Variants in SLC30A3 observed in about 807,000 individuals in gnomAD.
SLC30A3 encodes solute carrier family 30 member 3.
Under a neutral mutation model 35.6 loss-of-function variants are expected in SLC30A3, and 20 were observed. The ratio of observed to expected loss-of-function variants is 0.56; its 90% CI spans 0.39 to 0.82. The LOEUF (loss-of-function observed/expected upper bound fraction) is 0.82. SLC30A3 is among the 40% of genes least tolerant of loss of function. SLC30A3 has a pLI of 0.00. For synonymous variants in SLC30A3, 217 were observed against 224.7 expected (o/e 0.97, Z 0.31); for missense variants, 401 against 530.6 (o/e 0.76, Z 2.40).
chr2:27,268,408 G>A (rs1053494948), intron 1 of SLC30A3, among the ~76,000 whole-genome samples: 2 of 152,216 alleles, frequency 1.3e-5, no homozygotes, highest in African/African-American at 4.8e-5. Flanking sequence ...ATGGTACAGA[G>A]GTGAAGAAAA....
chr2:27,272,328 C>T (rs959125638), intron 1 of SLC30A3, among the ~76,000 whole-genome samples: 1 of 152,122 alleles, frequency 6.6e-6, no homozygotes, highest in Non-Finnish European at 1.5e-5. Flanking sequence ...CTGAGCCCAA[C>T]CTCCAGGTTA....
At chr2:27,269,829 G>A (rs1357491739) in intron 1 of SLC30A3, among the ~76,000 whole-genome samples, 2 of 151,966 alleles carry the variant, frequency 1.3e-5, no homozygotes, top group Non-Finnish European at 2.9e-5. Context: ...CTCTACTCCA[G>A]CCTGGGTGAC....
chr2:27,263,163 C>T, upstream of SLC30A3: 2 of 1,264,130 alleles, frequency 1.6e-6, no homozygotes, highest in Non-Finnish European at 2.0e-6. Context: ...CCTTAAGCCC[C>T]GCCCCCACTG....
In SLC30A3 at chr2:27,255,265, T is replaced by C. The variant is rs1283327644; in HGVS notation, c.*47A>G. ...ATCAGGGCAGCAGATGCTGAGAGTC[T>C]GGGGCTGAGCCTCGGCCTGGCAGTG... On this transcript the variant is annotated 3_prime_UTR_variant, in exon 8 of 8. Coordinates refer to ENST00000233535, the MANE Select transcript of SLC30A3 (RefSeq NM_003459.5). The surrounding 1 kb of genome is among the most constrained non-coding windows in gnomAD (Gnocchi z 5.2). The C allele has an allele frequency of 1.2e-6, 2 of 1,610,952 alleles. No homozygotes were observed. Among genetic ancestry groups the C allele is most frequent in the Non-Finnish European group, 1.7e-6 (2 of 1,178,346 alleles).
upstream of SLC30A3, among the ~76,000 whole-genome samples, chr2:27,267,546 C>T (rs542711035): frequency 5.9e-5 from 9 of 152,260 alleles, no homozygotes; most frequent in Admixed American, 6.5e-5. Context: ...AGCTGTAATG[C>T]ACTCTGCCAG....
chr2:27,274,747 G>T (rs1005698848), intron 1 of SLC30A3, among the ~76,000 whole-genome samples: 3 of 151,548 alleles, frequency 2.0e-5, no homozygotes, highest in Non-Finnish European at 2.9e-5. Context: ...GTATCCTTAG[G>T]AAAAAAAATT....
At position 27,257,399 on chromosome 2, in the gene SLC30A3, T is replaced by C. The variant is rs1204119233; in HGVS notation, c.579-47A>G. ...TCAGCCTAGGGCCCTGCTCCTGGCC[T>C]CCTATACCCCCATCTCCATGTCTCA... On this transcript the variant is annotated intron_variant, in intron 4 of 7. Transcript: ENST00000233535. This position sits in a 1 kb window ranked among gnomAD's most constrained non-coding sequence, Gnocchi z 4.7. The C allele has an allele frequency of 2.6e-6, 4 of 1,533,274 alleles. No homozygotes were observed. The Admixed American group carries it at 7.7e-5, about 29-fold the overall frequency. 95.0% of individuals were successfully genotyped at this position (1,533,274 alleles called of 1,614,324 possible). A position where few individuals can be genotyped will look rare whatever the true frequency, so the allele number is the denominator to read the frequency against.
At chr2:27,259,960 A>T (rs1283745441) in intron 1 of SLC30A3, among the ~76,000 whole-genome samples, 1 of 152,208 alleles carries the variant, frequency 6.6e-6, no homozygotes, top group Non-Finnish European at 1.5e-5. Flanking sequence ...AACAGCTGTA[A>T]GAGGTAACAT....
chr2:27,275,582 G>A (rs79846791), upstream of SLC30A3: 2,568 of 300,730 alleles, frequency 8.5e-3, 63 homozygotes, highest in African/African-American at 0.053. Flanking sequence ...GTGAGGAGTC[G>A]GCACAGGGCC....
At position 27,255,749 on chromosome 2, in the gene SLC30A3, C is replaced by T; in HGVS notation, c.1019-289G>A. The T allele has an allele frequency of 2.6e-6, 1 of 383,480 alleles. No homozygotes were observed. The highest frequency in any genetic ancestry group is 4.7e-6 in the Non-Finnish European group (1 of 211,560). The allele number at this position is 383,480 out of a possible 1,614,324, so 23.8% of individuals were successfully genotyped here. ...TTCAGCAGCCATACCACCCGATTTC[C>T]CAGGACAATCCAGTTGTTAAATATC... On this transcript the variant is annotated intron_variant, in intron 7 of 7. Coordinates refer to ENST00000233535, the MANE Select transcript of SLC30A3 (RefSeq NM_003459.5). This position sits in a 1 kb window ranked among gnomAD's most constrained non-coding sequence, Gnocchi z 5.2.
intron 1 of SLC30A3, among the ~76,000 whole-genome samples, chr2:27,274,767 T>C (rs1487163911): frequency 6.6e-6 from 1 of 152,224 alleles, no homozygotes; most frequent in African/African-American, 2.4e-5. Flanking sequence ...TAGACATTTG[T>C]TCAAGGATTT....
chr2:27,263,902 C>T (rs1677360206), upstream of SLC30A3: 4 of 520,842 alleles, frequency 7.7e-6, no homozygotes, highest in South Asian at 1.5e-5. Context: ...AGCGGGGCAG[C>T]GTGTCAGCTA....
At chr2:27,266,846 G>A (rs779696011), upstream of SLC30A3, among the ~76,000 whole-genome samples, 3 of 152,168 alleles carry the variant, frequency 2.0e-5, no homozygotes, top group Non-Finnish European at 4.4e-5. Context: ...GCAGTGAGCT[G>A]AGATTATGCC....
At chr2:27,264,121 CGAAG>C (rs1677372953), upstream of SLC30A3, 3 of 1,209,000 alleles carry the variant, frequency 2.5e-6, no homozygotes, top group Non-Finnish European at 3.3e-6. The surrounding 1 kb of genome is among the most constrained non-coding windows in gnomAD (Gnocchi z 6.1). Context: ...ATTGTGCACT[CGAAG>C]CTGTGACAGT....
At chr2:27,261,494 C>G (rs1378662038) in intron 1 of SLC30A3, among the ~76,000 whole-genome samples, 1 of 152,144 alleles carries the variant, frequency 6.6e-6, no homozygotes, top group Non-Finnish European at 1.5e-5. Flanking sequence ...GGGCAACATT[C>G]ATTCCCTGGC....
In SLC30A3 at chr2:27,262,347, G is replaced by A. The variant is rs957002622; in HGVS notation, c.95+465C>T. Among the ~76,000 whole-genome samples the A allele has an allele frequency of 6.6e-6, 1 of 151,858 alleles. No homozygotes were observed. The highest frequency in any genetic ancestry group is 2.4e-5 in the African/African-American group (1 of 41,410). ...GAGCCCGGCCCATCCTCGGGCCCCG[G>A]CGCCCACAGCTGGCCGCGGCTGGAG... On this transcript the variant is annotated intron_variant, in intron 1 of 7. Coordinates refer to ENST00000233535, the MANE Select transcript of SLC30A3 (RefSeq NM_003459.5). This position sits in a 1 kb window ranked among gnomAD's most constrained non-coding sequence, Gnocchi z 7.5.
Position 27,256,429 on chromosome 2 carries a change from G to C in SLC30A3, c.975C>G (p.Ala325=). ...AGGCAACATGGTAAGTGAGCGTAAG[G>C]GCCCACAGGTGCAGCTCATGGGTTG... ...VRATHELHLW[A]LTLTYHVASA... is the part of the protein sequence containing the mutation. The change falls in exon 7 of 8, where the codon GCC becomes GCG. Residue 325 remains alanine (A), a synonymous_variant. Transcript: ENST00000233535. 6.2e-7 allele frequency: 1 copy of C among 1,614,074 alleles called. No individual in the cohort carries two copies. Among genetic ancestry groups the C allele is most frequent in the Non-Finnish European group, 8.5e-7 (1 of 1,180,012 alleles).
rs72858465 is a variant in SLC30A3, at chr2:27,262,946, A to G, written c.-40T>C. ...GACCGTCTAGGCCCCACCGAGGAAG[A>G]GAGAGGCCGGGCCGGCCCCGCGCCA... On this transcript the variant is annotated 5_prime_UTR_variant, in exon 1 of 8. Transcript: ENST00000233535. The surrounding 1 kb of genome is among the most constrained non-coding windows in gnomAD (Gnocchi z 7.5). 45,865 of 1,493,890 alleles carry G rather than the reference A, an allele frequency of 0.031. 5,577 individuals are homozygous for G. The African/African-American group carries it at 0.4, about 13-fold the overall frequency. 92.5% of individuals were successfully genotyped at this position (1,493,890 alleles called of 1,614,324 possible).
chr2:27,265,893 T>G (rs1677475896), upstream of SLC30A3, among the ~76,000 whole-genome samples: 1 of 152,026 alleles, frequency 6.6e-6, no homozygotes, highest in Non-Finnish European at 1.5e-5. The surrounding 1 kb of genome is among the most constrained non-coding windows in gnomAD (Gnocchi z 5.9). Context: ...GAGGAGCTAG[T>G]TGAGTGGAAG....
Sources: allele counts gnomAD v4.1 joint callset (sites outside exome capture counted in the v4.1 genomes callset), GRCh38; gene constraint gnomAD v4.1.1; non-coding constraint Gnocchi (gnomAD v3.1); transcripts MANE v1.5; gene names NCBI Gene and HGNC (gene_info 2026-07-23, HGNC 2026-07-21).